The following RERE variants were observed in gnomAD, a reference collection of about 807,000 sequenced individuals.
RERE encodes arginine-glutamic acid dipeptide repeats protein.
In RERE, 40 loss-of-function variants were observed where a neutral mutation model predicts 146.1. The observed-to-expected ratio is 0.27, with a 90% CI of 0.21 to 0.36. The LOEUF is 0.36. Among genes scored for constraint, RERE ranks in the 10% least tolerant of loss-of-function variants. The pLI, the probability that RERE is intolerant of heterozygous loss-of-function variation, is 1.00. For synonymous variants in RERE, 1,003 were observed against 866.0 expected, an observed-to-expected ratio of 1.16 and a Z score of -2.78; for missense variants, 1,933 against 2,138.7, an observed-to-expected ratio of 0.90 and a Z score of 1.90.
In RERE at chr1:8,783,070, A is replaced by G. The variant is rs570764698; in HGVS notation, c.-145+34090T>C. ...CATCAGAGACCAGGCATGGTGGTTC[A>G]TGCCTATAATTCCAACACTTGGGGA... On this transcript the variant is annotated intron_variant, in intron 1 of 22. Coordinates refer to ENST00000400908, the MANE Select transcript of RERE (RefSeq NM_001042681.2). 7.2e-5 allele frequency among the ~76,000 whole-genome samples: 11 copies of G among 152,330 alleles called. No homozygotes were observed. In the South Asian group the frequency reaches 2.3e-3, roughly 32 times the overall value.
intron 4 of RERE, among the ~76,000 whole-genome samples, chr1:8,607,530 ATTTCTTTTTTTTTT>A (rs1341536617): frequency 1.7e-5 from 1 of 57,582 alleles, no homozygotes; most frequent in Admixed American, 2.1e-4. Context: ...TTTTATATAT[ATTTCTTTTTTTTTT>A]TTTTTTTTTT....
chr1:8,581,676 C>T lies in RERE; in HGVS notation c.523-24153G>A, dbSNP rs531782146. On this transcript the variant is annotated intron_variant, in intron 4 of 22. Transcript: ENST00000400908. The stretch of plus-strand genomic sequence containing the variant: ...ATAGGGATTATCCAGTTGTTCCAGC[C>T]CATTTATTGAAAAGATTTTTTTCCC... Among the ~76,000 whole-genome samples, 3 of 152,122 alleles carry T rather than the reference C, an allele frequency of 2.0e-5. No homozygotes were observed. In the South Asian group the frequency reaches 6.2e-4, roughly 32 times the overall value.
At chr1:8,547,821 T>C (rs1002573848) in intron 6 of RERE, among the ~76,000 whole-genome samples, 18 of 152,210 alleles carry the variant, frequency 1.2e-4, no homozygotes, top group South Asian at 2.1e-4. Context: ...ACAAACCGCA[T>C]AGGCATAAAC....
chr1:8,390,654 A>G (rs1259807868), intron 12 of RERE, among the ~76,000 whole-genome samples: 1 of 152,072 alleles, frequency 6.6e-6, no homozygotes, highest in Non-Finnish European at 1.5e-5. Flanking sequence ...AATATTTTAA[A>G]ACTATTTTTA....
At chr1:8,716,836 G>A (rs967409330) in intron 1 of RERE, among the ~76,000 whole-genome samples, 1 of 151,896 alleles carries the variant, frequency 6.6e-6, no homozygotes, top group African/African-American at 2.4e-5. Flanking sequence ...AAAAAACCTA[G>A]CCAAAGAAGC....
chr1:8,712,811 A>C (rs1639694766), intron 1 of RERE, among the ~76,000 whole-genome samples: 1 of 152,140 alleles, frequency 6.6e-6, no homozygotes. Flanking sequence ...TAAAAAAAAA[A>C]CACAGGATGT....
intron 10 of RERE, among the ~76,000 whole-genome samples, chr1:8,468,078 A>T (rs1027924945): frequency 1.3e-5 from 2 of 152,240 alleles, no homozygotes; most frequent in Non-Finnish European, 2.9e-5. Context: ...TACATTAGCT[A>T]TAAGAATAAA....
At chr1:8,486,161 A>T (rs970027064) in intron 10 of RERE, among the ~76,000 whole-genome samples, 1 of 152,134 alleles carries the variant, frequency 6.6e-6, no homozygotes, top group Non-Finnish European at 1.5e-5. Context: ...TGATAAAAAA[A>T]ATTAGTATAA....
rs750546384 is a variant in RERE, at chr1:8,757,891, T to TAC, written c.-145+59267_-145+59268dup. On this transcript the variant is annotated intron_variant, in intron 1 of 22. Coordinates refer to ENST00000400908, the MANE Select transcript of RERE (RefSeq NM_001042681.2). ...ATGGATAAAGTCACATACATATGTA[T>TAC]ACACACACACACACATACATACACA... Among the ~76,000 whole-genome samples the TAC allele has an allele frequency of 7.2e-4, 91 of 127,178 alleles. 1 individual carries two copies. Among genetic ancestry groups the TAC allele is most frequent in the Middle Eastern group, 4.3e-3 (1 of 230 alleles). The allele number at this position is 127,178 out of a possible 152,430, so 83.4% of individuals were successfully genotyped here. A position where few individuals can be genotyped will look rare whatever the true frequency, so the allele number is the denominator to read the frequency against.
At position 8,414,117 on chromosome 1, in the gene RERE, C is replaced by T. The variant is rs1253580173; in HGVS notation, c.1284+8610G>A. Among the ~76,000 whole-genome samples, 3 of 151,394 alleles carry T rather than the reference C, an allele frequency of 2.0e-5. No homozygotes were observed. In the East Asian group the frequency reaches 5.9e-4, roughly 30 times the overall value. On this transcript the variant is annotated intron_variant, in intron 12 of 22. Coordinates refer to ENST00000400908, the MANE Select transcript of RERE (RefSeq NM_001042681.2). ...TACCTTTCAGAGAAGACCCCTGGCC[C>T]ACCTGGCCCCTTCACTAGGGGCCAT... is the stretch of plus-strand genomic sequence containing the variant.
intron 6 of RERE, among the ~76,000 whole-genome samples, chr1:8,552,331 T>C (rs1401756140): frequency 6.6e-6 from 1 of 152,222 alleles, no homozygotes; most frequent in Admixed American, 6.5e-5. Flanking sequence ...CCCTCAGAGT[T>C]ACTGTGACCG....
chr1:8,678,104 T>G (rs139418423), intron 1 of RERE, among the ~76,000 whole-genome samples: 2 of 152,320 alleles, frequency 1.3e-5, no homozygotes, highest in Non-Finnish European at 2.9e-5. Context: ...TGCAGAAGCA[T>G]GGTCTCCTGG....
At chr1:8,489,967 G>A (rs764283308) in intron 10 of RERE, among the ~76,000 whole-genome samples, 15 of 151,228 alleles carry the variant, frequency 9.9e-5, no homozygotes, top group Non-Finnish European at 1.6e-4. Context: ...GAAGAATGGC[G>A]TGAACCCGGG....
At chr1:8,411,598 T>C (rs765574985) in intron 12 of RERE, among the ~76,000 whole-genome samples, 1 of 152,160 alleles carries the variant, frequency 6.6e-6, no homozygotes, top group South Asian at 2.1e-4. Flanking sequence ...TCAACCCATC[T>C]ACCAGGTGAT....
intron 4 of RERE, among the ~76,000 whole-genome samples, chr1:8,606,343 T>C (rs1486831892): frequency 1.3e-5 from 2 of 152,150 alleles, no homozygotes; most frequent in African/African-American, 4.8e-5. Flanking sequence ...TTTTAAAAAT[T>C]TTCCAATTTA....
chr1:8,722,883 C>T (rs765341448), intron 1 of RERE, among the ~76,000 whole-genome samples: 3 of 152,268 alleles, frequency 2.0e-5, no homozygotes, highest in Non-Finnish European at 2.9e-5. Context: ...CAATCCCCCA[C>T]GAATACTGAG....
At chr1:8,810,752 AAAC>A (rs1641790562) in intron 1 of RERE, among the ~76,000 whole-genome samples, 1 of 152,200 alleles carries the variant, frequency 6.6e-6, no homozygotes, top group Non-Finnish European at 1.5e-5. Context: ...GGAAAATGAA[AAAC>A]AAAAACCCTC....
rs1338323313 is a variant in RERE at position 8,359,880 on chromosome 1, C to T, written c.3502G>A (p.Glu1168Lys). 1 of 1,613,126 alleles carries T rather than the reference C, an allele frequency of 6.2e-7. No individual in the cohort carries two copies. The change falls in exon 19 of 23, where the codon GAG becomes AAG. Residue 1168 changes from glutamate (E) to lysine (K), a missense_variant. Physicochemically the swap from Glu to Lys is moderately conservative, Grantham distance 56. Coordinates refer to ENST00000400908, the MANE Select transcript of RERE (RefSeq NM_001042681.2). ...KLAKKREEAI[E>K]KAKREAEQKA... ...TGCTCAGCCTCGCGCTTGGCCTTCT[C>T]AATGGCCTCCTCCCTCTTCTTGGCC...
At chr1:8,707,072 C>CT in intron 1 of RERE, among the ~76,000 whole-genome samples, 1 of 152,300 alleles carries the variant, frequency 6.6e-6, no homozygotes, top group Admixed American at 6.5e-5. Flanking sequence ...ACCATTGCTT[C>CT]TTTTTGTCCT....
Sources: gnomAD v4.1 joint callset for allele counts (sites outside exome capture counted in the v4.1 genomes callset) on GRCh38, gnomAD v4.1.1 for gene constraint, MANE v1.5 for transcripts, NCBI Gene and HGNC (gene_info 2026-07-23, HGNC 2026-07-21) for gene names.